Variants in RAD51B observed in about 807,000 individuals in gnomAD.
RAD51B encodes RAD51 paralog B.
Under a neutral mutation model 42.2 loss-of-function variants are expected in RAD51B, and 38 were observed. The observed-to-expected ratio is 0.90, with a 90% CI of 0.70 to 1.18. The LOEUF (loss-of-function observed/expected upper bound fraction) is 1.18. Ranked by LOEUF, RAD51B falls within the 50% of genes most tolerant of loss-of-function variation. The pLI, the probability that RAD51B is intolerant of heterozygous loss-of-function variation, is 0.00. For missense variants in RAD51B, 373 were observed against 400.7 expected (o/e 0.93, Z 0.59); for synonymous variants, 154 against 145.2 (o/e 1.06, Z -0.43).
chr14:67,924,873 C>T (rs1239628637), intron 7 of RAD51B, among the ~76,000 whole-genome samples: 4 of 152,236 alleles, frequency 2.6e-5, no homozygotes, highest in Non-Finnish European at 5.9e-5. Context: ...CAAAAGTTCA[C>T]AGTCCAGCGT....
chr14:67,821,029 A>G (rs2040609331), intron 1 of RAD51B, among the ~76,000 whole-genome samples: 1 of 152,178 alleles, frequency 6.6e-6, no homozygotes, highest in African/African-American at 2.4e-5. Context: ...CCTGTGGTCT[A>G]CCAGTCCCAT....
At chr14:68,130,293 T>G (rs1367314331) in intron 7 of RAD51B, 1 of 152,252 alleles carries the variant, frequency 6.6e-6, no homozygotes, top group Non-Finnish European at 1.5e-5. Flanking sequence ...CTGAGGAGAT[T>G]AATAAATCAA....
At chr14:68,198,316 C>A (rs914866431) in intron 7 of RAD51B, among the ~76,000 whole-genome samples, 6 of 152,118 alleles carry the variant, frequency 3.9e-5, no homozygotes, top group African/African-American at 1.4e-4. Flanking sequence ...ATCTTTACAC[C>A]ACTCCTATGT....
At chr14:68,607,813 CAG>C (rs985971093) in intron 10 of RAD51B, among the ~76,000 whole-genome samples, 30 of 152,240 alleles carry the variant, frequency 2.0e-4, no homozygotes, top group African/African-American at 6.7e-4. Context: ...GGGAGGAAGA[CAG>C]GGGCTGGCAA....
At chr14:68,062,089 T>C (rs1161441955) in intron 7 of RAD51B, among the ~76,000 whole-genome samples, 1 of 152,244 alleles carries the variant, frequency 6.6e-6, no homozygotes, top group Non-Finnish European at 1.5e-5. Flanking sequence ...CTGAATTCAT[T>C]GACAGTTTTT....
intron 8 of RAD51B, chr14:68,338,930 G>A: frequency 1.7e-5 from 11 of 657,372 alleles, no homozygotes; most frequent in South Asian, 1.3e-4. Flanking sequence ...CAACAGTGGT[G>A]CAGGTCTTCC....
chr14:68,380,262 G>T (rs1399048457), intron 8 of RAD51B, among the ~76,000 whole-genome samples: 1 of 152,302 alleles, frequency 6.6e-6, no homozygotes, highest in Non-Finnish European at 1.5e-5. Flanking sequence ...GACAGAGGCC[G>T]TTGGTCATCT....
chr14:67,823,204 T>C (rs1032743872), intron 1 of RAD51B, among the ~76,000 whole-genome samples: 9 of 152,230 alleles, frequency 5.9e-5, no homozygotes, highest in African/African-American at 1.9e-4. Flanking sequence ...CCAAATAAAA[T>C]TTATACATGC....
intron 9 of RAD51B, among the ~76,000 whole-genome samples, chr14:68,413,159 T>C (rs2084462971): frequency 6.6e-6 from 1 of 152,260 alleles, no homozygotes; most frequent in Admixed American, 6.5e-5. Flanking sequence ...TAGAGCCATA[T>C]TTTTACTTTT....
chr14:68,213,290 G>A (rs1274658), intron 7 of RAD51B, among the ~76,000 whole-genome samples: 26,535 of 152,072 alleles, frequency 0.17, 2,473 homozygotes, highest in Middle Eastern at 0.36. Context: ...GACCCTCTGA[G>A]GTGTATACTA....
At chr14:67,908,546 A>C (rs2043857798) in intron 7 of RAD51B, 1 of 151,896 alleles carries the variant, frequency 6.6e-6, no homozygotes. Flanking sequence ...ATTAGGTTAA[A>C]GGGAAAATAA....
At chr14:68,226,681 G>A (rs1317348469) in intron 7 of RAD51B, among the ~76,000 whole-genome samples, 1 of 152,072 alleles carries the variant, frequency 6.6e-6, no homozygotes, top group Non-Finnish European at 1.5e-5. Flanking sequence ...TTAAACCCTC[G>A]GGTATGTCTT....
At chr14:68,466,078 G>A (rs906233354) in intron 9 of RAD51B, among the ~76,000 whole-genome samples, 2 of 152,140 alleles carry the variant, frequency 1.3e-5, no homozygotes, top group Non-Finnish European at 2.9e-5. Flanking sequence ...ACATGAAAGT[G>A]TAAATTCCCA....
chr14:68,190,360 T>C (rs1484252771), intron 7 of RAD51B, among the ~76,000 whole-genome samples: 3 of 152,224 alleles, frequency 2.0e-5, no homozygotes, highest in Non-Finnish European at 1.5e-5. Context: ...TTTTAAATTG[T>C]TCTTTGAAAA....
downstream of RAD51B, among the ~76,000 whole-genome samples, chr14:68,597,704 T>C (rs919995419): frequency 5.3e-5 from 8 of 151,706 alleles, no homozygotes; most frequent in African/African-American, 1.9e-4. Flanking sequence ...CTGGGCTTAA[T>C]ACCTGGGTGA....
At chr14:68,522,278 C>A (rs1886633684) in intron 10 of RAD51B, among the ~76,000 whole-genome samples, 1 of 152,222 alleles carries the variant, frequency 6.6e-6, no homozygotes, top group Non-Finnish European at 1.5e-5. Flanking sequence ...GCCCTGGTTG[C>A]TGATTACAGA....
At chr14:67,852,266 A>G (rs1027045666) in intron 4 of RAD51B, among the ~76,000 whole-genome samples, 1 of 152,216 alleles carries the variant, frequency 6.6e-6, no homozygotes, top group Non-Finnish European at 1.5e-5. Flanking sequence ...CTGCAGTCTG[A>G]CTGCTCCTAA....
Position 68,494,475 on chromosome 14 carries a change from C to A in RAD51B, c.1036+26225C>A, listed in dbSNP as rs1884346537. 2.0e-5 allele frequency among the ~76,000 whole-genome samples: 3 copies of A among 152,016 alleles called. No individual in the cohort carries two copies. In the South Asian group the frequency reaches 6.2e-4, roughly 32 times the overall value. On this transcript the variant is annotated intron_variant, in intron 10 of 10. Transcript: ENST00000487270. ...TGTCTGTGGGCAATACTCCAAGCAC[C>A]CCCGGTTGAAAACACCAACAAGGCT...
intron 7 of RAD51B, among the ~76,000 whole-genome samples, chr14:67,986,974 C>G (rs2140283025): frequency 6.6e-6 from 1 of 152,318 alleles, no homozygotes; most frequent in Middle Eastern, 3.4e-3. Context: ...TCGGGTGATC[C>G]ACCCACCTTG....
Sources: allele counts gnomAD v4.1 joint callset (sites outside exome capture counted in the v4.1 genomes callset), GRCh38; gene constraint gnomAD v4.1.1; transcripts MANE v1.5; gene names NCBI Gene and HGNC (gene_info 2026-07-23, HGNC 2026-07-21).